SIK3: variants seen among roughly 807,000 people sequenced by gnomAD.
SIK3 encodes the protein SIK family kinase 3.
Under a neutral mutation model 144.2 loss-of-function variants are expected in SIK3, and 28 were observed. That is an observed-to-expected ratio of 0.19 (90% confidence interval 0.14 to 0.27). SIK3 has a LOEUF of 0.27. SIK3 is among the 10% of genes least tolerant of loss of function. The probability of loss-of-function intolerance (pLI) is 1.00; values close to 1 mark genes in which losing one functional copy is unlikely to be tolerated. For synonymous variants in SIK3, 686 were observed against 676.3 expected (o/e 1.01, Z -0.22); for missense variants, 1,319 against 1,776.0 (o/e 0.74, Z 4.62).
At chr11:116,892,640 A>G (rs915752266) in intron 6 of SIK3, among the ~76,000 whole-genome samples, 1 of 152,220 alleles carries the variant, frequency 6.6e-6, no homozygotes, top group Non-Finnish European at 1.5e-5. Flanking sequence ...TAGCATAGCC[A>G]CTTTGGAAGA....
intron 4 of SIK3, among the ~76,000 whole-genome samples, chr11:116,919,574 A>T (rs976628357): frequency 2.0e-5 from 3 of 152,226 alleles, no homozygotes; most frequent in Admixed American, 1.3e-4. Context: ...CATTCTTATA[A>T]CGTCTAAGCA....
At chr11:116,946,598 A>C (rs1207236309) in intron 3 of SIK3, among the ~76,000 whole-genome samples, 1 of 152,206 alleles carries the variant, frequency 6.6e-6, no homozygotes, top group African/African-American at 2.4e-5. Context: ...TGCTCACTAT[A>C]TAAACATCCT....
At chr11:116,917,970 A>G (rs1444067808) in intron 4 of SIK3, among the ~76,000 whole-genome samples, 1 of 152,174 alleles carries the variant, frequency 6.6e-6, no homozygotes, top group Non-Finnish European at 1.5e-5. Context: ...AGCTTCAATA[A>G]AATGCCGATA....
intron 1 of SIK3, among the ~76,000 whole-genome samples, chr11:116,969,234 G>T (rs1949679103): frequency 7.0e-6 from 1 of 142,038 alleles, no homozygotes; most frequent in Non-Finnish European, 1.5e-5. Context: ...AGCTTGCAGT[G>T]AGCCGAGATG....
intron 1 of SIK3, among the ~76,000 whole-genome samples, chr11:117,084,163 A>G (rs1399738333): frequency 6.6e-6 from 1 of 152,176 alleles, no homozygotes; most frequent in Non-Finnish European, 1.5e-5. Flanking sequence ...TGTCTCAGTA[A>G]AGCAACCAAT....
At position 116,859,282 on chromosome 11, in the gene SIK3, G is replaced by C. The variant is rs550363357; in HGVS notation, c.2748C>G (p.Asp916Glu). 36 of 1,609,838 alleles carry C rather than the reference G, an allele frequency of 2.2e-5. No individual in the cohort carries two copies. In the South Asian group the frequency reaches 3.8e-4, roughly 17 times the overall value. ...GGTCTTACCTGTGAGCCTCTGCACT[G>C]TCAGCACTCAGCTGCTTGGACAAGG... ...HRPLSKQLSADSAEAHSLNVN... is the reference protein window; with the variant it reads ...HRPLSKQLSAESAEAHSLNVN... The change falls in exon 20 of 25, where the codon GAC becomes GAG. Residue 916 changes from aspartate (D) to glutamate (E), a missense_variant. By Grantham distance (45) the Asp-to-Glu change is conservative. Coordinates refer to ENST00000445177, the MANE Select transcript of SIK3 (RefSeq NM_001366686.3).
chr11:117,079,971 T>C (rs957644622), intron 1 of SIK3, among the ~76,000 whole-genome samples: 5 of 151,672 alleles, frequency 3.3e-5, no homozygotes, highest in Admixed American at 6.6e-5. Context: ...GAGGCAGAGG[T>C]TTCAGAGAGC....
intron 1 of SIK3, among the ~76,000 whole-genome samples, chr11:117,038,911 A>C (rs528407516): frequency 4.6e-5 from 7 of 151,840 alleles, no homozygotes; most frequent in Non-Finnish European, 1.0e-4. Flanking sequence ...TTAGCCAGGC[A>C]TGGTGGTGTG....
At position 117,008,075 on chromosome 11, in the gene SIK3, CAAAAAAAAA is replaced by C. The variant is rs59486431; in HGVS notation, c.274-51020_274-51012del. On this transcript the variant is annotated intron_variant, in intron 1 of 24. Coordinates refer to ENST00000445177, the MANE Select transcript of SIK3 (RefSeq NM_001366686.3). ...TGGGCAACAGAGAGAGACTCCATCT[CAAAAAAAAA>C]AAAAAAAAAAAAAAAAAAAAATTGG... Among the ~76,000 whole-genome samples the C allele has an allele frequency of 5.5e-4, 30 of 54,656 alleles. No homozygotes were observed. In the East Asian group the frequency reaches 0.022, roughly 40 times the overall value. The allele number at this position is 54,656 out of a possible 152,430, so 35.9% of individuals were successfully genotyped here.
intron 3 of SIK3, among the ~76,000 whole-genome samples, chr11:116,929,848 G>T (rs1022290354): frequency 3.3e-5 from 5 of 152,172 alleles, no homozygotes; most frequent in African/African-American, 1.2e-4. Context: ...CTAGTCAATA[G>T]AGCACAAAGT....
At position 116,944,771 on chromosome 11, in the gene SIK3, G is replaced by A. The variant is rs186954766; in HGVS notation, c.454+9273C>T. On this transcript the variant is annotated intron_variant, in intron 3 of 24. Transcript: ENST00000445177. ...TTCTAGCTATTTATCAAACTGAACC[G>A]GTTTTGGGAATTTCCTGAACTTGTA... 2.7e-3 allele frequency among the ~76,000 whole-genome samples: 405 copies of A among 152,224 alleles called. 1 individual carries two copies. The highest frequency in any genetic ancestry group is 0.014 in the Middle Eastern group (4 of 294).
Position 116,983,403 on chromosome 11 carries a change from G to A in SIK3, c.274-26339C>T, listed in dbSNP as rs189897890. Among the ~76,000 whole-genome samples the A allele has an allele frequency of 9.0e-4, 135 of 149,578 alleles. 1 individual carries two copies. Among genetic ancestry groups the A allele is most frequent in the African/African-American group, 2.9e-3 (117 of 40,566 alleles). ...AAATTAGCCAGGCATGTTGGAGGGC[G>A]CCTGTAATCCCAGCTACTCGGGAAA... On this transcript the variant is annotated intron_variant, in intron 1 of 24. Transcript: ENST00000445177.
intron 2 of SIK3, among the ~76,000 whole-genome samples, chr11:116,956,100 A>G (rs1431294932): frequency 1.3e-5 from 2 of 152,198 alleles, no homozygotes; most frequent in Admixed American, 1.3e-4. Flanking sequence ...GGCAGAAAGC[A>G]GCAAGTAGAG....
chr11:117,086,893 G>A (rs537091283), intron 1 of SIK3, among the ~76,000 whole-genome samples: 2 of 151,628 alleles, frequency 1.3e-5, no homozygotes, highest in African/African-American at 2.4e-5. Context: ...TACTGAGGAG[G>A]CTGAGGCAGG....
intron 15 of SIK3, 115 bp from the exon 16 acceptor site, chr11:116,863,933 C>A (rs1943490881): frequency 1.9e-6 from 2 of 1,051,964 alleles, no homozygotes; most frequent in South Asian, 3.3e-5. Context: ...GGTAGCCCTG[C>A]ATATTATGCC....
intron 1 of SIK3, among the ~76,000 whole-genome samples, chr11:117,031,962 T>A (rs766317355): frequency 2.0e-5 from 3 of 152,190 alleles, no homozygotes; most frequent in Non-Finnish European, 4.4e-5. Context: ...TATCTCAATT[T>A]AAAAATTTAC....
chr11:116,891,635 G>A lies in SIK3; in HGVS notation c.865+4618C>T, dbSNP rs187196899. Among the ~76,000 whole-genome samples, 7 of 152,094 alleles carry A rather than the reference G, an allele frequency of 4.6e-5. No homozygotes were observed. The East Asian group carries it at 1.4e-3, about 30-fold the overall frequency. On this transcript the variant is annotated intron_variant, in intron 6 of 24. Transcript: ENST00000445177. ...ACTGAAAAGTTTCAGGCTAGAAAAT[G>A]ATATAATCAGATTTGTGTGTTTAAG...
chr11:116,915,124 A>ATGTGTGTGTGTGTGTGTG (rs35059138), intron 4 of SIK3, among the ~76,000 whole-genome samples: 2,164 of 129,814 alleles, frequency 0.017, 53 homozygotes, highest in African/African-American at 0.041. Context: ...GAAGCCATAT[A>ATGTGTGTGTGTGTGTGTG]TGTGTGTGTG....
intron 1 of SIK3, among the ~76,000 whole-genome samples, chr11:116,966,218 C>T (rs1035314881): frequency 1.3e-5 from 2 of 151,940 alleles, no homozygotes; most frequent in East Asian, 3.9e-4. Flanking sequence ...ACAGCAAGAC[C>T]CCCAACTCTA....
Sources: gnomAD v4.1 joint callset for allele counts (sites outside exome capture counted in the v4.1 genomes callset) on GRCh38, gnomAD v4.1.1 for gene constraint, MANE v1.5 for transcripts, NCBI Gene and HGNC (gene_info 2026-07-23, HGNC 2026-07-21) for gene names.